The following GOLGA7 variants were observed in gnomAD, a reference collection of about 807,000 sequenced individuals.
The protein encoded by GOLGA7 is golgin A7.
Under a neutral mutation model 21.1 loss-of-function variants are expected in GOLGA7, and 10 were observed. That is an observed-to-expected ratio of 0.47 (90% CI 0.29 to 0.80). The LOEUF is 0.80. Among genes scored for constraint, GOLGA7 ranks in the 30% least tolerant of loss-of-function variants. The probability of loss-of-function intolerance (pLI) is 0.08; values close to 1 mark genes in which losing one functional copy is unlikely to be tolerated. For synonymous variants in GOLGA7, 64 were observed against 62.6 expected (o/e 1.02, Z -0.10); for missense variants, 114 against 166.8 (o/e 0.68, Z 1.74).
chr8:41,496,869 G>A (rs367999307), intron 1 of GOLGA7, among the ~76,000 whole-genome samples: 25 of 145,738 alleles, frequency 1.7e-4, no homozygotes, highest in African/African-American at 4.0e-4. Flanking sequence ...GTGCAGTGGC[G>A]CAGTCTCGGC....
chr8:41,497,746 G>GTT, intron 2 of GOLGA7, 85 bp downstream of exon 2: 1 of 713,430 alleles, frequency 1.4e-6, no homozygotes, highest in Non-Finnish European at 2.5e-6. Context: ...CATGGTGATA[G>GTT]TTGCCGTAAA....
At chr8:41,491,212 G>A (rs1412236169) in intron 1 of GOLGA7, among the ~76,000 whole-genome samples, 1 of 152,202 alleles carries the variant, frequency 6.6e-6, no homozygotes, top group Non-Finnish European at 1.5e-5. Context: ...CCCGGTGCCG[G>A]GAATCTGGAT....
At chr8:41,500,118 G>A (rs557335976) in intron 2 of GOLGA7, among the ~76,000 whole-genome samples, 4 of 152,328 alleles carry the variant, frequency 2.6e-5, no homozygotes, top group East Asian at 1.9e-4. Flanking sequence ...GGGACATAAC[G>A]GAACAGGGCG....
At chr8:41,503,815 G>A (rs1291485991) in intron 2 of GOLGA7, among the ~76,000 whole-genome samples, 1 of 147,292 alleles carries the variant, frequency 6.8e-6, no homozygotes, top group Non-Finnish European at 1.5e-5. Flanking sequence ...GGTTACTGTA[G>A]CCTTGTAGTA....
At chr8:41,497,053 G>A (rs968311672) in intron 1 of GOLGA7, among the ~76,000 whole-genome samples, 1 of 151,196 alleles carries the variant, frequency 6.6e-6, no homozygotes, top group Non-Finnish European at 1.5e-5. Flanking sequence ...CTCGTGATCC[G>A]CCCACCTCAG....
Position 41,490,690 on chromosome 8 carries a change from G to A in GOLGA7, c.-165G>A, listed in dbSNP as rs1186947114. ...GGCCAGGCGGCAGCTAAGGCCCGCGGTGACAGCATGGGTGAAGGGGAGCGG... is the reference window on the plus strand; with the variant it reads ...GGCCAGGCGGCAGCTAAGGCCCGCGATGACAGCATGGGTGAAGGGGAGCGG... On this transcript the variant is annotated 5_prime_UTR_variant, in exon 1 of 5. The change creates a new upstream start codon in the 5' untranslated region. Coordinates refer to ENST00000357743, the MANE Select transcript of GOLGA7 (RefSeq NM_001002296.2). 14 of 556,992 alleles carry A rather than the reference G, an allele frequency of 2.5e-5. No individual in the cohort carries two copies. Among genetic ancestry groups the A allele is most frequent in the Non-Finnish European group, 4.1e-5 (13 of 315,842 alleles). The allele number at this position is 556,992 out of a possible 1,614,324, so 34.5% of individuals were successfully genotyped here. A position where few individuals can be genotyped will look rare whatever the true frequency, so the allele number is the denominator to read the frequency against.
intron 2 of GOLGA7, among the ~76,000 whole-genome samples, chr8:41,501,306 C>A (rs190226121): frequency 2.0e-4 from 29 of 142,564 alleles, no homozygotes; most frequent in African/African-American, 5.9e-4. Flanking sequence ...TTCTTGAGGT[C>A]GATTTTTTTT....
At chr8:41,508,158 T>C (rs1806334427) in intron 4 of GOLGA7, among the ~76,000 whole-genome samples, 1 of 152,228 alleles carries the variant, frequency 6.6e-6, no homozygotes, top group South Asian at 2.1e-4. Flanking sequence ...CCCTGTCTTT[T>C]ACACCGTACT....
At chr8:41,491,090 G>A in intron 1 of GOLGA7, 125 bp downstream of exon 1, 1 of 658,298 alleles carries the variant, frequency 1.5e-6, no homozygotes, top group Non-Finnish European at 2.8e-6. Flanking sequence ...AGGCACAGAA[G>A]GGGCCTTGGC....
chr8:41,503,734 A>G (rs1806206525), intron 2 of GOLGA7, among the ~76,000 whole-genome samples: 1 of 110,350 alleles, frequency 9.1e-6, no homozygotes, highest in South Asian at 3.0e-4. Flanking sequence ...GATATGCGGC[A>G]TTATTTCTGA....
At chr8:41,509,543 C>T (rs1806369300) in intron 4 of GOLGA7, 41 bp from the exon 5 acceptor site, 1 of 152,596 alleles carries the variant, frequency 6.6e-6, no homozygotes, top group African/African-American at 2.4e-5. Flanking sequence ...AAGTTATTTT[C>T]AGGATCTCTA....
intron 1 of GOLGA7, among the ~76,000 whole-genome samples, chr8:41,494,332 T>C (rs1805955090): frequency 6.6e-6 from 1 of 152,124 alleles, no homozygotes; most frequent in Non-Finnish European, 1.5e-5. Context: ...ATAATAATAA[T>C]TAGGGTTTCC....
chr8:41,501,036 T>G (rs1191641307), intron 2 of GOLGA7, among the ~76,000 whole-genome samples: 1 of 152,244 alleles, frequency 6.6e-6, no homozygotes, highest in Non-Finnish European at 1.5e-5. Context: ...AGTATTTTAT[T>G]CATGCTTAGT....
In GOLGA7 at chr8:41,506,020, T is replaced by C; in HGVS notation, c.366+8T>C. On this transcript the variant is annotated splice_region_variant and intron_variant, in intron 3 of 4. Transcript: ENST00000357743. Reference sequence around the variant, plus strand: ...GAGCGAGGACTGCGAGTTGTATCTTTTTAGTTCGGATCAGAAAGTCTAAAT... The same window carrying C: ...GAGCGAGGACTGCGAGTTGTATCTTCTTAGTTCGGATCAGAAAGTCTAAAT... The C allele has an allele frequency of 7.3e-7, 1 of 1,366,028 alleles. No individual in the cohort carries two copies. Among genetic ancestry groups the C allele is most frequent in the Admixed American group, 1.8e-5 (1 of 54,638 alleles). 84.6% of individuals were successfully genotyped at this position (1,366,028 alleles called of 1,614,324 possible).
At chr8:41,496,810 T>TC (rs1192238867) in intron 1 of GOLGA7, among the ~76,000 whole-genome samples, 2 of 140,322 alleles carry the variant, frequency 1.4e-5, no homozygotes, top group African/African-American at 5.3e-5. Context: ...ATTGCTTTTT[T>TC]TTTTTTTTTT....
At chr8:41,503,515 A>C (rs1806200833) in intron 2 of GOLGA7, among the ~76,000 whole-genome samples, 2 of 86,554 alleles carry the variant, frequency 2.3e-5, no homozygotes, top group Non-Finnish European at 4.5e-5. Flanking sequence ...GGTAATGCCT[A>C]GGTTTTCTTC....
At chr8:41,506,159 C>T (rs1361091522) in intron 3 of GOLGA7, 147 bp downstream of exon 3, 12 of 514,082 alleles carry the variant, frequency 2.3e-5, no homozygotes, top group Non-Finnish European at 3.4e-5. Flanking sequence ...CTGTAAACCC[C>T]GTGTCTCCAA....
In GOLGA7 at chr8:41,509,881, T is replaced by C. The variant is rs574615990; in HGVS notation, c.*313T>C. ...AATAAAACACAGTTGGTCAGCCCAG[T>C]GCAAAGCTTGTTATCTGCCACCAGT... On this transcript the variant is annotated 3_prime_UTR_variant, in exon 5 of 5. Coordinates refer to ENST00000357743, the MANE Select transcript of GOLGA7 (RefSeq NM_001002296.2). The C allele has an allele frequency of 3.9e-5, 6 of 152,810 alleles. 1 individual carries two copies. Among genetic ancestry groups the C allele is most frequent in the African/African-American group, 1.4e-4 (6 of 41,588 alleles). The allele number at this position is 152,810 out of a possible 1,614,324, so 9.5% of individuals were successfully genotyped here.
intron 2 of GOLGA7, among the ~76,000 whole-genome samples, chr8:41,501,826 T>G (rs1356392761): frequency 6.6e-6 from 1 of 152,230 alleles, no homozygotes; most frequent in African/African-American, 2.4e-5. Flanking sequence ...CTGAAAACAC[T>G]TAGCAGCTCT....
Sources: gnomAD v4.1 joint callset for allele counts (sites outside exome capture counted in the v4.1 genomes callset) on GRCh38, gnomAD v4.1.1 for gene constraint, MANE v1.5 for transcripts, NCBI Gene and HGNC (gene_info 2026-07-23, HGNC 2026-07-21) for gene names.